Variants in NT5DC1 observed in about 807,000 individuals in gnomAD.
NT5DC1 encodes the protein 5'-nucleotidase domain containing 1.
Under a neutral mutation model 59.4 loss-of-function variants are expected in NT5DC1, and 42 were observed. The ratio of observed to expected loss-of-function variants is 0.71; its 90% CI spans 0.55 to 0.92. The LOEUF (loss-of-function observed/expected upper bound fraction) is 0.92. NT5DC1 is among the 40% of genes least tolerant of loss of function. The pLI is 0.00. For synonymous variants in NT5DC1, 172 were observed against 188.1 expected, an observed-to-expected ratio of 0.91 and a Z score of 0.70; for missense variants, 501 against 537.1, an observed-to-expected ratio of 0.93 and a Z score of 0.66.
chr6:116,117,985 T>G (rs1779001396), intron 6 of NT5DC1, 40 bp downstream of exon 6: 1 of 995,242 alleles, frequency 1.0e-6, no homozygotes, highest in African/African-American at 1.6e-5. Flanking sequence ...ACGTGTTTGT[T>G]AAGCTATGTT....
At chr6:116,131,385 T>C (rs79395561) in intron 6 of NT5DC1, among the ~76,000 whole-genome samples, 4,453 of 152,300 alleles carry the variant, frequency 0.029, 236 homozygotes, top group African/African-American at 0.1. Flanking sequence ...TTATCCTTTT[T>C]ATTAAAAAAT....
chr6:116,168,606 G>A (rs1034115249), intron 6 of NT5DC1, among the ~76,000 whole-genome samples: 24 of 151,912 alleles, frequency 1.6e-4, no homozygotes, highest in African/African-American at 2.4e-4. Context: ...TGGTTCTGTC[G>A]TGTATTTTCC....
At chr6:116,135,874 CACACAT>C (rs1779587919) in intron 6 of NT5DC1, among the ~76,000 whole-genome samples, 3 of 53,816 alleles carry the variant, frequency 5.6e-5, no homozygotes, top group Non-Finnish European at 1.2e-4. Flanking sequence ...TATATATATA[CACACAT>C]ACACACACAT....
chr6:116,153,739 G>A (rs1205865990), intron 6 of NT5DC1, among the ~76,000 whole-genome samples: 1 of 152,012 alleles, frequency 6.6e-6, no homozygotes, highest in African/African-American at 2.4e-5. Context: ...TTTCTTACTG[G>A]TTTAGTCATA....
intron 1 of NT5DC1, among the ~76,000 whole-genome samples, chr6:116,104,635 T>C (rs926722158): frequency 6.6e-6 from 1 of 152,116 alleles, no homozygotes; most frequent in African/African-American, 2.4e-5. Context: ...TGTTTTTTTG[T>C]TTTGTTTTGT....
At chr6:116,150,266 G>GT (rs201650607) in intron 6 of NT5DC1, among the ~76,000 whole-genome samples, 8,488 of 149,158 alleles carry the variant, frequency 0.057, 253 homozygotes, top group Non-Finnish European at 0.07. Context: ...TAAGAAAATG[G>GT]TTTTTTTTTT....
intron 6 of NT5DC1, chr6:116,121,825 T>G (rs1562125067): frequency 4.3e-6 from 7 of 1,613,874 alleles, no homozygotes; most frequent in Non-Finnish European, 5.9e-6. Context: ...CCGGTGGTCC[T>G]GGCAACCCTG....
chr6:116,113,760 C>G (rs947530965), intron 4 of NT5DC1, among the ~76,000 whole-genome samples: 1 of 152,160 alleles, frequency 6.6e-6, no homozygotes, highest in Non-Finnish European at 1.5e-5. Flanking sequence ...TAGTTCAACT[C>G]TTAGACTGAA....
chr6:116,226,927 A>G (rs1384074537), intron 8 of NT5DC1, among the ~76,000 whole-genome samples: 3 of 152,168 alleles, frequency 2.0e-5, no homozygotes, highest in Non-Finnish European at 4.4e-5. Flanking sequence ...TAGAATGGCT[A>G]AATGATACTA....
intron 6 of NT5DC1, among the ~76,000 whole-genome samples, chr6:116,182,114 T>C (rs911186441): frequency 6.6e-6 from 1 of 152,040 alleles, no homozygotes; most frequent in African/African-American, 2.4e-5. Context: ...AGTGAGAACA[T>C]TGGTTTTCCA....
intron 6 of NT5DC1, among the ~76,000 whole-genome samples, chr6:116,197,799 G>T (rs180900066): frequency 6.6e-6 from 1 of 152,042 alleles, no homozygotes; most frequent in African/African-American, 2.4e-5. Flanking sequence ...GATTGAAAGC[G>T]CTAGGTAAAC....
chr6:116,176,598 T>C (rs1428648061), intron 6 of NT5DC1, among the ~76,000 whole-genome samples: 2 of 152,176 alleles, frequency 1.3e-5, no homozygotes, highest in Non-Finnish European at 2.9e-5. Context: ...TACTTGGTAT[T>C]GGTATAGGAT....
chr6:116,105,313 G>A (rs1277792989), intron 1 of NT5DC1, among the ~76,000 whole-genome samples: 5 of 152,132 alleles, frequency 3.3e-5, no homozygotes, highest in Admixed American at 2.6e-4. Context: ...CACTACCCAG[G>A]AGAGATTTCC....
At chr6:116,166,874 TGAAATGA>T (rs1780481062) in intron 6 of NT5DC1, among the ~76,000 whole-genome samples, 1 of 152,178 alleles carries the variant, frequency 6.6e-6, no homozygotes, top group Admixed American at 6.5e-5. Flanking sequence ...AATCTGACCT[TGAAATGA>T]GAATAATTTT....
chr6:116,161,795 T>C (rs1269812458), intron 6 of NT5DC1, among the ~76,000 whole-genome samples: 1 of 152,226 alleles, frequency 6.6e-6, no homozygotes, highest in African/African-American at 2.4e-5. Context: ...GGAAGTTGCA[T>C]TGACTTTCTA....
chr6:116,136,117 C>G (rs930381807), intron 6 of NT5DC1, among the ~76,000 whole-genome samples: 1 of 151,996 alleles, frequency 6.6e-6, no homozygotes, highest in Non-Finnish European at 1.5e-5. Flanking sequence ...CCCTTGGCAG[C>G]CACCATTCTA....
At chr6:116,103,272 T>A (rs1778700091) in intron 1 of NT5DC1, among the ~76,000 whole-genome samples, 1 of 152,170 alleles carries the variant, frequency 6.6e-6, no homozygotes, top group South Asian at 2.1e-4. Flanking sequence ...ATGCTGCTTA[T>A]ATGAATGGAT....
chr6:116,132,670 A>G (rs2114335651), intron 6 of NT5DC1, among the ~76,000 whole-genome samples: 1 of 152,108 alleles, frequency 6.6e-6, no homozygotes, highest in East Asian at 1.9e-4. Context: ...TGATGTGACA[A>G]GCTGTTGGCG....
Position 116,141,885 on chromosome 6 carries a change from AACACACACACACAC to A in NT5DC1, c.529+23969_529+23982del, listed in dbSNP as rs3051942. ...GTAAAAGATTTTCTGCCAAAAAGAA[AACACACACACACAC>A]ACACACACACACACACACACACACA... On this transcript the variant is annotated intron_variant, in intron 6 of 11. Coordinates refer to ENST00000319550, the MANE Select transcript of NT5DC1 (RefSeq NM_152729.3). Among the ~76,000 whole-genome samples the A allele has an allele frequency of 1.1e-4, 16 of 140,404 alleles. No individual in the cohort carries two copies. The South Asian group carries it at 1.1e-3, about 10-fold the overall frequency. 92.1% of individuals were successfully genotyped at this position (140,404 alleles called of 152,430 possible). A position where few individuals can be genotyped will look rare whatever the true frequency, so the allele number is the denominator to read the frequency against.
Sources: allele counts gnomAD v4.1 joint callset (sites outside exome capture counted in the v4.1 genomes callset), GRCh38; gene constraint gnomAD v4.1.1; transcripts MANE v1.5; gene names NCBI Gene and HGNC (gene_info 2026-07-23, HGNC 2026-07-21).